The following NKIRAS1 variants were observed in gnomAD, a reference collection of about 807,000 sequenced individuals.
NKIRAS1 encodes the protein NFKB inhibitor interacting Ras like 1, also known as NF-kappa-B inhibitor-interacting Ras-like protein 1.
Under a neutral mutation model 19.8 loss-of-function variants are expected in NKIRAS1, and 16 were observed. The ratio of observed to expected loss-of-function variants is 0.81; its 90% CI spans 0.55 to 1.23. The LOEUF (loss-of-function observed/expected upper bound fraction) is 1.23. NKIRAS1 is among the 50% of genes most tolerant of loss of function. NKIRAS1 has a pLI of 0.00. For synonymous variants in NKIRAS1, 88 were observed against 79.0 expected (o/e 1.11, Z -0.61); for missense variants, 184 against 220.0 (o/e 0.84, Z 1.04).
intron 3 of NKIRAS1, among the ~76,000 whole-genome samples, chr3:23,902,036 T>C (rs984691900): frequency 6.6e-6 from 1 of 152,124 alleles, no homozygotes; most frequent in African/African-American, 2.4e-5. Flanking sequence ...ATCATGCCAC[T>C]GCACTCCAGC....
intron 3 of NKIRAS1, among the ~76,000 whole-genome samples, chr3:23,902,280 T>A (rs982010292): frequency 6.6e-6 from 1 of 152,128 alleles, no homozygotes; most frequent in African/African-American, 2.4e-5. Flanking sequence ...TTAGATTACA[T>A]AAAATCTCCA....
At chr3:23,901,784 A>C (rs1163832495) in intron 3 of NKIRAS1, among the ~76,000 whole-genome samples, 1 of 152,160 alleles carries the variant, frequency 6.6e-6, no homozygotes, top group Non-Finnish European at 1.5e-5. Context: ...TCCATATTTA[A>C]ATATGAGGCC....
rs1575128657 is a variant in NKIRAS1, at chr3:23,927,350, A to G, written c.-139-15900T>C. Among the ~76,000 whole-genome samples the G allele has an allele frequency of 1.3e-5, 2 of 151,840 alleles. No homozygotes were observed. Among genetic ancestry groups the G allele is most frequent in the East Asian group, 3.9e-4 (2 of 5,146 alleles). ...GTCCAGTCAACATAGTGAGGCCCCC[A>G]TCTCTATATTTCTTAGTTGAGGAAA... On this transcript the variant is annotated intron_variant, in intron 1 of 4. Transcript: ENST00000421515. The surrounding 1 kb of genome is among the most constrained non-coding windows in gnomAD (Gnocchi z 4.0).
At chr3:23,939,803 C>G (rs533160220) in intron 1 of NKIRAS1, among the ~76,000 whole-genome samples, 42 of 152,150 alleles carry the variant, frequency 2.8e-4, no homozygotes, top group African/African-American at 1.0e-3. Flanking sequence ...TGATATCAAT[C>G]AAAGAGATAA....
At chr3:23,918,663 G>C, upstream of NKIRAS1, 2 of 1,466,294 alleles carry the variant, frequency 1.4e-6, no homozygotes, top group South Asian at 2.5e-5. Context: ...ATTGTACTTA[G>C]GTGAGCTGTC....
intron 1 of NKIRAS1, among the ~76,000 whole-genome samples, chr3:23,945,750 GC>G (rs1214173747): frequency 1.3e-5 from 2 of 150,108 alleles, no homozygotes; most frequent in Non-Finnish European, 3.0e-5. Context: ...GGTTCCCATC[GC>G]CCCCCGGGCC....
intron 1 of NKIRAS1, among the ~76,000 whole-genome samples, chr3:23,932,576 T>G (rs1286963407): frequency 6.6e-6 from 1 of 151,048 alleles, no homozygotes; most frequent in Non-Finnish European, 1.5e-5. Flanking sequence ...TAATCCCAGC[T>G]GCTAGAGAGG....
At chr3:23,901,179 C>CA (rs1702483361) in intron 3 of NKIRAS1, 130 bp from the exon 4 acceptor site, 1 of 728,946 alleles carries the variant, frequency 1.4e-6, no homozygotes, top group African/African-American at 1.9e-5. Flanking sequence ...TTCTATTTTA[C>CA]TTTTTTTTTT....
At chr3:23,917,541 C>T (rs191106792), upstream of NKIRAS1, 55 of 266,290 alleles carry the variant, frequency 2.1e-4, no homozygotes, top group Non-Finnish European at 3.1e-4. Flanking sequence ...AGCGGCATCT[C>T]CTTTCAGGTC....
At chr3:23,904,572 G>A (rs1419783865) in intron 3 of NKIRAS1, among the ~76,000 whole-genome samples, 1 of 152,144 alleles carries the variant, frequency 6.6e-6, no homozygotes, top group African/African-American at 2.4e-5. Context: ...GCTTAATACT[G>A]TTACATTGGA....
intron 1 of NKIRAS1, among the ~76,000 whole-genome samples, chr3:23,935,297 G>GA (rs1705374335): frequency 6.6e-6 from 1 of 150,942 alleles, no homozygotes; most frequent in African/African-American, 2.4e-5. Context: ...TTAGCAAAGG[G>GA]AAAATCTACC....
Position 23,922,699 on chromosome 3 carries a change from TG to T in NKIRAS1, c.-139-11250del, listed in dbSNP as rs1337517442. On this transcript the variant is annotated intron_variant, in intron 1 of 4. Transcript: ENST00000421515. The surrounding 1 kb of genome is among the most constrained non-coding windows in gnomAD (Gnocchi z 4.2). ...CTGCACGTGGCCAACTTAAAGTTTT[TG>T]ATAGATAATACATTAACGTTAAAAA... is the stretch of plus-strand genomic sequence containing the variant. 1 of 152,262 alleles carries T rather than the reference TG, an allele frequency of 6.6e-6. No homozygotes were observed. Among genetic ancestry groups the T allele is most frequent in the African/African-American group, 2.4e-5 (1 of 41,454 alleles). 9.4% of individuals were successfully genotyped at this position (152,262 alleles called of 1,614,324 possible).
At position 23,926,769 on chromosome 3, in the gene NKIRAS1, G is replaced by A. The variant is rs903798293; in HGVS notation, c.-139-15319C>T. Among the ~76,000 whole-genome samples the A allele has an allele frequency of 5.3e-5, 8 of 152,158 alleles. No homozygotes were observed. Among genetic ancestry groups the A allele is most frequent in the African/African-American group, 1.4e-4 (6 of 41,450 alleles). Reference sequence around the variant, plus strand: ...TTTTCTAAGAAAAAAGGTTTTGGTCGAAAAAGACCTTTAGTTTTCCATTTG... The same window carrying A: ...TTTTCTAAGAAAAAAGGTTTTGGTCAAAAAAGACCTTTAGTTTTCCATTTG... On this transcript the variant is annotated intron_variant, in intron 1 of 4. Coordinates refer to the NKIRAS1 transcript ENST00000421515. This position sits in a 1 kb window ranked among gnomAD's most constrained non-coding sequence, Gnocchi z 4.3.
chr3:23,920,194 C>G, upstream of NKIRAS1: 1 of 985,816 alleles, frequency 1.0e-6, no homozygotes, highest in Non-Finnish European at 1.2e-6. Flanking sequence ...CAAGTGTGAG[C>G]TTAGACGTCA....
intron 1 of NKIRAS1, among the ~76,000 whole-genome samples, chr3:23,930,961 G>A (rs759160834): frequency 6.0e-5 from 9 of 151,254 alleles, no homozygotes; most frequent in East Asian, 1.9e-4. Flanking sequence ...GATTATAGGC[G>A]TGAGCCACCA....
At chr3:23,896,681 C>T (rs537151601) in intron 4 of NKIRAS1, among the ~76,000 whole-genome samples, 27 of 150,212 alleles carry the variant, frequency 1.8e-4, no homozygotes, top group African/African-American at 5.9e-4. Context: ...GAAAAAAAAA[C>T]AGGGGTGGGT....
chr3:23,901,516 G>T (rs1268954380), intron 3 of NKIRAS1, among the ~76,000 whole-genome samples: 2 of 151,994 alleles, frequency 1.3e-5, no homozygotes, highest in Non-Finnish European at 2.9e-5. Context: ...TATTTCTTCT[G>T]CATAAAAATA....
chr3:23,906,889 TTTTTG>T (rs574076153), intron 3 of NKIRAS1, among the ~76,000 whole-genome samples: 75 of 151,950 alleles, frequency 4.9e-4, no homozygotes, highest in Admixed American at 1.0e-3. Flanking sequence ...TTAAAGCAGG[TTTTTG>T]TTTTGTTTTG....
chr3:23,921,897 C>T (rs1381965003), upstream of NKIRAS1: 3 of 411,860 alleles, frequency 7.3e-6, no homozygotes, highest in South Asian at 3.8e-5. Flanking sequence ...TTTGTACAGA[C>T]AGGATCTCAC....
Sources: gnomAD v4.1 joint callset for allele counts (sites outside exome capture counted in the v4.1 genomes callset) on GRCh38, gnomAD v4.1.1 for gene constraint, Gnocchi (gnomAD v3.1) non-coding constraint, MANE v1.5 for transcripts, NCBI Gene and HGNC (gene_info 2026-07-23, HGNC 2026-07-21) for gene names.